PDGFRB: variants seen among roughly 807,000 people sequenced by gnomAD.
The protein encoded by PDGFRB is platelet derived growth factor receptor beta, also known as platelet-derived growth factor receptor beta.
PDGFRB carries 42 observed loss-of-function variants against 120.2 expected under a neutral mutation model. The observed-to-expected ratio is 0.35, with a 90% CI of 0.27 to 0.45. PDGFRB has a LOEUF of 0.45. Among genes scored for constraint, PDGFRB ranks in the 20% least tolerant of loss-of-function variants. The probability of loss-of-function intolerance (pLI) is 1.00; values close to 1 mark genes in which losing one functional copy is unlikely to be tolerated. For missense variants in PDGFRB, 1,149 were observed against 1,476.3 expected (o/e 0.78, Z 3.63); for synonymous variants, 586 against 606.8 (o/e 0.97, Z 0.50).
intron 1 of PDGFRB, among the ~76,000 whole-genome samples, chr5:150,145,983 G>A (rs1760912216): frequency 6.6e-6 from 1 of 152,172 alleles, no homozygotes; most frequent in African/African-American, 2.4e-5. Context: ...GGGTAAAGCT[G>A]AAGCTGACAG....
Position 150,123,043 on chromosome 5 carries a change from T to C in PDGFRB, c.2182A>G (p.Ser728Gly). 1.2e-6 allele frequency: 2 copies of C among 1,612,484 alleles called. No individual in the cohort carries two copies. The highest frequency in any genetic ancestry group is 1.7e-6 in the Non-Finnish European group (2 of 1,179,620). ...AGTCCCTGGCCTCCCTCCTGGTACC[T>C]GGGCAGGGGGAGCCCAACGGGCAGA... ...NALPVGLPLP[S>G]HVSLTGESDG... is the part of the protein sequence containing the mutation. Residue 728 changes from serine to glycine, a missense_variant and splice_region_variant, in exon 15 of 23, where the codon AGC becomes GGC. Around this residue, in one of 3 missense-constraint regions of PDGFRB, gnomAD observed 879 missense variants for 1,108.6 expected, o/e 0.79. Transcript: ENST00000261799.
chr5:150,120,766 G>A lies in PDGFRB; in HGVS notation c.2586+122C>T. 7 of 924,288 alleles carry A rather than the reference G, an allele frequency of 7.6e-6. No homozygotes were observed. Among genetic ancestry groups the A allele is most frequent in the East Asian group, 2.6e-5 (1 of 38,244 alleles). The allele number at this position is 924,288 out of a possible 1,614,324, so 57.3% of individuals were successfully genotyped here. A position where few individuals can be genotyped will look rare whatever the true frequency, so the allele number is the denominator to read the frequency against. On this transcript the variant is annotated intron_variant, in intron 18 of 22. Coordinates refer to ENST00000261799, the MANE Select transcript of PDGFRB (RefSeq NM_002609.4). The surrounding 1 kb of genome is among the most constrained non-coding windows in gnomAD (Gnocchi z 4.3). ...GGCACAGCCCATCACTGCTGTCAGG[G>A]CAGGCCACAAGGAGCCCCACACAGA...
In PDGFRB at chr5:150,155,693, T is replaced by G. The variant is rs1229605315; in HGVS notation, c.-303A>C. 1 of 398,548 alleles carries G rather than the reference T, an allele frequency of 2.5e-6. No homozygotes were observed. The highest frequency in any genetic ancestry group is 4.4e-6 in the Non-Finnish European group (1 of 226,126). 24.7% of individuals were successfully genotyped at this position (398,548 alleles called of 1,614,324 possible). On this transcript the variant is annotated 5_prime_UTR_variant, in exon 1 of 23. Transcript: ENST00000261799. ...AGAGGGGCCGCCCTGGGTCTGGCTG[T>G]CTGCGTTGGGCAGGGCGAGCACAGG...
At chr5:150,144,507 A>G (rs1362865080) in intron 1 of PDGFRB, among the ~76,000 whole-genome samples, 1 of 152,242 alleles carries the variant, frequency 6.6e-6, no homozygotes, top group Non-Finnish European at 1.5e-5. Flanking sequence ...AGTCCAAAAT[A>G]AGATGAAACA....
At position 150,115,735 on chromosome 5, in the gene PDGFRB, C is replaced by G. The variant is rs376167357; in HGVS notation, c.*28G>C. 68 of 1,536,302 alleles carry G rather than the reference C, an allele frequency of 4.4e-5. No homozygotes were observed. The African/African-American group carries it at 8.0e-4, about 18-fold the overall frequency. ...CTGGGTGCTGGCAGGGGGGGAGCTT[C>G]AGGCAGGGCAGGGTAGGGGCCAGCC... On this transcript the variant is annotated 3_prime_UTR_variant, in exon 23 of 23. Transcript: ENST00000261799.
chr5:150,135,745 A>T lies in PDGFRB; in HGVS notation c.174T>A (p.Ala58=), dbSNP rs1469275259. The change falls in exon 3 of 23, where the codon GCT becomes GCA. Residue 58 remains alanine, a synonymous_variant. Coordinates refer to ENST00000261799, the MANE Select transcript of PDGFRB (RefSeq NM_002609.4). The part of the protein sequence containing the change: ...STFVLTCSGS[A]PVVWERMSQE... ...GGGACATCCGTTCCCACACCACCGG[A>T]GCTGAACCCGAGCAGGTCAGAACGA... The T allele has an allele frequency of 6.2e-7, 1 of 1,613,994 alleles. No individual in the cohort carries two copies. Among genetic ancestry groups the T allele is most frequent in the African/African-American group, 1.3e-5 (1 of 74,912 alleles).
rs2113890140 is a variant in PDGFRB, at chr5:150,121,322, G to C, written c.2345C>G (p.Ala782Gly). The change falls in exon 17 of 23, where the codon GCC becomes GGC. Residue 782 changes from alanine (A) to glycine (G), a missense_variant and splice_region_variant. Physicochemically the swap from Ala to Gly is moderately conservative, Grantham distance 60. Transcript: ENST00000261799. The surrounding 1 kb of genome is among the most constrained non-coding windows in gnomAD (Gnocchi z 4.1). ...MAPYDNYVPSAPERTCRATLI... is the reference protein window; with the variant it reads ...MAPYDNYVPSGPERTCRATLI... The stretch of plus-strand genomic sequence containing the variant: ...AGTTGCTCGGCAGGTCCTCTCAGGG[G>C]CTAGAGGAGAAGCAGAGGGTCACCT... The C allele has an allele frequency of 7.1e-7, 1 of 1,409,178 alleles. No homozygotes were observed. The highest frequency in any genetic ancestry group is 1.0e-6 in the Non-Finnish European group (1 of 992,668). 87.3% of individuals were successfully genotyped at this position (1,409,178 alleles called of 1,614,324 possible). A position where few individuals can be genotyped will look rare whatever the true frequency, so the allele number is the denominator to read the frequency against.
chr5:150,132,597 C>A lies in PDGFRB; in HGVS notation c.1127+153G>T, dbSNP rs1191388717. On this transcript the variant is annotated intron_variant, in intron 7 of 22. Transcript: ENST00000261799. The surrounding 1 kb of genome is among the most constrained non-coding windows in gnomAD (Gnocchi z 5.0). The stretch of plus-strand genomic sequence containing the variant: ...GACTAGAAACTCTAGGAGGGATGAA[C>A]TGTCAGCTCTGGTCGCTGCAGCATC... Among the ~76,000 whole-genome samples, 1 of 152,286 alleles carries A rather than the reference C, an allele frequency of 6.6e-6. No homozygotes were observed. The highest frequency in any genetic ancestry group is 2.4e-5 in the African/African-American group (1 of 41,472).
Position 150,115,585 on chromosome 5 carries a change from T to A in PDGFRB, c.*178A>T. ...GCTGGTCACGGCCCCTGCAGTTTTC[T>A]TGCCTCCTAAGCCAGCCCCAGGGTT... On this transcript the variant is annotated 3_prime_UTR_variant, in exon 23 of 23. Transcript: ENST00000261799. The A allele has an allele frequency of 3.8e-6, 2 of 520,184 alleles. No individual in the cohort carries two copies. The highest frequency in any genetic ancestry group is 6.8e-5 in the East Asian group (2 of 29,210). The allele number at this position is 520,184 out of a possible 1,614,324, so 32.2% of individuals were successfully genotyped here.
intron 10 of PDGFRB, among the ~76,000 whole-genome samples, chr5:150,128,208 A>C (rs1760352968): frequency 6.6e-6 from 1 of 152,186 alleles, no homozygotes; most frequent in Non-Finnish European, 1.5e-5. Context: ...TAGTCACACA[A>C]AAGTGTCACA....
intron 1 of PDGFRB, among the ~76,000 whole-genome samples, chr5:150,151,882 G>T (rs1056110289): frequency 4.8e-5 from 7 of 145,564 alleles, no homozygotes; most frequent in South Asian, 4.3e-4. Flanking sequence ...AAAAAAAAAA[G>T]TGGGGAGAGT....
intron 1 of PDGFRB, among the ~76,000 whole-genome samples, chr5:150,153,224 A>T (rs1332294491): frequency 6.6e-6 from 1 of 152,200 alleles, no homozygotes; most frequent in Non-Finnish European, 1.5e-5. Context: ...TTCTTCCCGC[A>T]GAGGAGGGGG....
Position 150,136,140 on chromosome 5 carries a change from G to C in PDGFRB, c.41-262C>G, listed in dbSNP as rs571037694. Among the ~76,000 whole-genome samples the C allele has an allele frequency of 2.0e-5, 3 of 152,342 alleles. No individual in the cohort carries two copies. In the East Asian group the frequency reaches 5.8e-4, roughly 29 times the overall value. On this transcript the variant is annotated intron_variant, in intron 2 of 22. Transcript: ENST00000261799. ...CCTTCAGCAGTGCCATGTGTAGGCA[G>C]TAGGCACCAGAAGGGGCCAGGAAAT...
At chr5:150,117,989 C>T (rs1760016155) in intron 21 of PDGFRB, 139 bp from the exon 22 acceptor site, 1 of 622,932 alleles carries the variant, frequency 1.6e-6, no homozygotes, top group East Asian at 2.7e-5. Context: ...TTGCCCAAGC[C>T]ACATGGTTGA....
intron 1 of PDGFRB, among the ~76,000 whole-genome samples, chr5:150,148,336 G>A (rs1032840755): frequency 3.9e-5 from 6 of 152,232 alleles, no homozygotes; most frequent in Admixed American, 6.5e-5. Context: ...ACGCTTACAC[G>A]ATATGAGAGA....
At chr5:150,124,175 G>A in intron 14 of PDGFRB, 75 bp downstream of exon 14, 1 of 992,296 alleles carries the variant, frequency 1.0e-6, no homozygotes, top group Non-Finnish European at 1.6e-6. Flanking sequence ...TGCAAGGCCT[G>A]AGGGGGGGGT....
intron 11 of PDGFRB, among the ~76,000 whole-genome samples, 174 bp from the exon 12 acceptor site, chr5:150,125,751 G>C (rs550579137): frequency 5.9e-5 from 9 of 152,174 alleles, no homozygotes; most frequent in Admixed American, 4.6e-4. Context: ...TCGTGGGCTC[G>C]GAGGGAACAG....
chr5:150,117,368 A>T (rs1406779098), intron 22 of PDGFRB, among the ~76,000 whole-genome samples: 1 of 152,180 alleles, frequency 6.6e-6, no homozygotes, highest in Admixed American at 6.5e-5. Flanking sequence ...TAAAGGAAAT[A>T]GCTACCTTGC....
At chr5:150,118,293 A>T (rs890247223) in intron 21 of PDGFRB, among the ~76,000 whole-genome samples, 5 of 152,056 alleles carry the variant, frequency 3.3e-5, no homozygotes, top group Admixed American at 2.0e-4. Context: ...GGCCATGTGT[A>T]TTTCCTCCTC....
Sources: allele counts gnomAD v4.1 joint callset (sites outside exome capture counted in the v4.1 genomes callset), GRCh38; gene constraint gnomAD v4.1.1; regional missense constraint gnomAD v4.1.1; non-coding constraint Gnocchi (gnomAD v3.1); transcripts MANE v1.5; gene names NCBI Gene and HGNC (gene_info 2026-07-23, HGNC 2026-07-21).